PAX5: variants seen among roughly 807,000 people sequenced by gnomAD.
PAX5 encodes the protein paired box protein Pax-5.
Under a neutral mutation model 43.7 loss-of-function variants are expected in PAX5, and 9 were observed. The observed-to-expected ratio is 0.21, with a 90% CI of 0.12 to 0.36. The LOEUF (loss-of-function observed/expected upper bound fraction) is 0.36, where lower values mean the gene tolerates loss of function less well. PAX5 is among the 10% of genes least tolerant of loss of function. PAX5 has a pLI of 1.00. For synonymous variants in PAX5, 228 were observed against 214.3 expected, an observed-to-expected ratio of 1.06 and a Z score of -0.56; for missense variants, 383 against 532.7, an observed-to-expected ratio of 0.72 and a Z score of 2.77.
intron 6 of PAX5, among the ~76,000 whole-genome samples, chr9:36,943,285 T>C (rs1832213706): frequency 1.3e-5 from 2 of 152,112 alleles, no homozygotes; most frequent in African/African-American, 4.8e-5. Flanking sequence ...CATCCCCAAG[T>C]CTCCTCAGTG....
At chr9:36,968,876 C>T (rs1032764251) in intron 5 of PAX5, among the ~76,000 whole-genome samples, 7 of 152,186 alleles carry the variant, frequency 4.6e-5, no homozygotes, top group Non-Finnish European at 1.0e-4. Flanking sequence ...GGTCAGCACC[C>T]ACCAAATGAT....
In PAX5 at chr9:36,833,789, A is replaced by G; in HGVS notation, c.*6771T>C. 1 of 232,540 alleles carries G rather than the reference A, an allele frequency of 4.3e-6. No homozygotes were observed. Among genetic ancestry groups the G allele is most frequent in the Non-Finnish European group, 8.5e-6 (1 of 117,844 alleles). 14.4% of individuals were successfully genotyped at this position (232,540 alleles called of 1,614,324 possible). ...TTTTAAGAAGCATTTTTTTTTTTCA[A>G]TCCGTTGGAGACAGATCATCTCCCA... On this transcript the variant is annotated 3_prime_UTR_variant, in exon 10 of 10. Transcript: ENST00000358127.
At chr9:36,895,904 G>A (rs1340241629) in intron 7 of PAX5, among the ~76,000 whole-genome samples, 1 of 152,192 alleles carries the variant, frequency 6.6e-6, no homozygotes, top group Non-Finnish European at 1.5e-5. Flanking sequence ...AAGCTAAGGG[G>A]TAAGTTCAGG....
At chr9:36,930,838 T>C in intron 6 of PAX5, 2 of 1,305,330 alleles carry the variant, frequency 1.5e-6, no homozygotes, top group Non-Finnish European at 2.0e-6. Flanking sequence ...AGGAGGCACG[T>C]GCCCCAGGAG....
At chr9:36,966,745 G>T in intron 5 of PAX5, 21 bp from the exon 6 acceptor site, 1 of 1,610,796 alleles carries the variant, frequency 6.2e-7, no homozygotes, top group Non-Finnish European at 8.5e-7. Context: ...CAGGAGAGAG[G>T]AAGGGTGAGT....
intron 7 of PAX5, among the ~76,000 whole-genome samples, chr9:36,908,821 A>C (rs1452093712): frequency 6.6e-6 from 1 of 152,250 alleles, no homozygotes; most frequent in Non-Finnish European, 1.5e-5. Flanking sequence ...CATTAGCAGA[A>C]GGGCTGTCCA....
chr9:36,835,798 G>A lies in PAX5; in HGVS notation c.*4762C>T, dbSNP rs1283050308. 8.6e-6 allele frequency: 2 copies of A among 233,224 alleles called. No homozygotes were observed. The highest frequency in any genetic ancestry group is 4.4e-5 in the African/African-American group (2 of 45,354). 14.4% of individuals were successfully genotyped at this position (233,224 alleles called of 1,614,324 possible). A position where few individuals can be genotyped will look rare whatever the true frequency, so the allele number is the denominator to read the frequency against. On this transcript the variant is annotated 3_prime_UTR_variant, in exon 10 of 10. Transcript: ENST00000358127. ...CCAAGACTGCAGAACTGGCCTCGTA[G>A]TGGGGCCACCGTGGAGCCGGTCTAG... is the stretch of plus-strand genomic sequence containing the variant.
At chr9:36,884,394 A>C (rs994009341) in intron 7 of PAX5, among the ~76,000 whole-genome samples, 1 of 152,240 alleles carries the variant, frequency 6.6e-6, no homozygotes, top group East Asian at 1.9e-4. Flanking sequence ...AAATCATATG[A>C]TTATATAAAA....
At chr9:36,869,875 AATGGATGGATGGATGGATAAATGG>A (rs1825273275) in intron 8 of PAX5, among the ~76,000 whole-genome samples, 1 of 43,060 alleles carries the variant, frequency 2.3e-5, no homozygotes, top group Non-Finnish European at 4.9e-5. Flanking sequence ...TGGATGGATA[AATGGATGGATGGATGGATAAATGG>A]ATGGATGGAT....
At chr9:36,889,239 C>A (rs1450906537) in intron 7 of PAX5, among the ~76,000 whole-genome samples, 1 of 152,152 alleles carries the variant, frequency 6.6e-6, no homozygotes, top group Non-Finnish European at 1.5e-5. Flanking sequence ...TCATTCAATA[C>A]AAGAACCCCA....
chr9:36,975,478 CG>C (rs1216830565), intron 5 of PAX5, among the ~76,000 whole-genome samples: 1 of 152,042 alleles, frequency 6.6e-6, no homozygotes, highest in Admixed American at 6.6e-5. Context: ...CTCCGCCTCC[CG>C]GGTTCACGCC....
intron 2 of PAX5, among the ~76,000 whole-genome samples, chr9:37,020,098 G>GTTT (rs5897671): frequency 6.8e-6 from 1 of 146,270 alleles, no homozygotes; most frequent in Non-Finnish European, 1.5e-5. Context: ...TGGTGTTTGG[G>GTTT]TTTTTTTTTT....
chr9:36,998,325 T>C (rs1265041588), intron 5 of PAX5, among the ~76,000 whole-genome samples: 1 of 152,214 alleles, frequency 6.6e-6, no homozygotes, highest in Non-Finnish European at 1.5e-5. Context: ...GCCAATCCAC[T>C]GGCCTAACAA....
At chr9:36,981,185 GCCC>G (rs55996619) in intron 5 of PAX5, among the ~76,000 whole-genome samples, 18 of 106,462 alleles carry the variant, frequency 1.7e-4, no homozygotes, top group African/African-American at 5.1e-4. Context: ...AAACAGCAAA[GCCC>G]CCCCCCCCTC....
At chr9:36,963,935 C>T (rs1302411624) in intron 6 of PAX5, among the ~76,000 whole-genome samples, 2 of 152,176 alleles carry the variant, frequency 1.3e-5, no homozygotes, top group African/African-American at 4.8e-5. Context: ...GAAATCTTGC[C>T]TCTGTGGCTC....
At chr9:37,020,983 T>A (rs1385372606) in intron 1 of PAX5, among the ~76,000 whole-genome samples, 182 bp from the exon 2 acceptor site, 2 of 152,198 alleles carry the variant, frequency 1.3e-5, no homozygotes, top group African/African-American at 4.8e-5. Flanking sequence ...TTAAAATTAA[T>A]CTTAGCCTTG....
At chr9:36,924,739 GGAA>G (rs1563973213) in intron 6 of PAX5, among the ~76,000 whole-genome samples, 1 of 39,958 alleles carries the variant, frequency 2.5e-5, no homozygotes, top group Non-Finnish European at 5.5e-5. Context: ...AGAGGTGGAA[GGAA>G]GGAAGGAAGG....
At chr9:36,914,487 CCTT>C (rs1829571172) in intron 7 of PAX5, among the ~76,000 whole-genome samples, 1 of 152,170 alleles carries the variant, frequency 6.6e-6, no homozygotes, top group South Asian at 2.1e-4. Flanking sequence ...GCCCTGGACA[CCTT>C]CATTATGTCT....
chr9:36,941,274 G>T (rs151067260), intron 6 of PAX5, among the ~76,000 whole-genome samples: 4 of 152,324 alleles, frequency 2.6e-5, no homozygotes, highest in African/African-American at 7.2e-5. Flanking sequence ...TTACAGAGTT[G>T]TTCTGAGTAT....
Sources: allele counts gnomAD v4.1 joint callset (sites outside exome capture counted in the v4.1 genomes callset), GRCh38; gene constraint gnomAD v4.1.1; transcripts MANE v1.5; gene names NCBI Gene and HGNC (gene_info 2026-07-23, HGNC 2026-07-21).